ANO5: variants seen among roughly 807,000 people sequenced by gnomAD.
ANO5 encodes the protein anoctamin 5.
Under a neutral mutation model 121.0 loss-of-function variants are expected in ANO5, and 109 were observed. The observed-to-expected ratio is 0.90, with a 90% CI of 0.77 to 1.06. The LOEUF (loss-of-function observed/expected upper bound fraction) is 1.06, where lower values mean the gene tolerates loss of function less well. Among genes scored for constraint, ANO5 ranks in the 50% least tolerant of loss-of-function variants. ANO5 has a pLI of 0.00. For synonymous variants in ANO5, 406 were observed against 359.9 expected (o/e 1.13, Z -1.45); for missense variants, 1,064 against 1,078.5 (o/e 0.99, Z 0.19).
chr11:22,266,026 G>A (rs1854350573), intron 17 of ANO5, among the ~76,000 whole-genome samples: 1 of 152,132 alleles, frequency 6.6e-6, no homozygotes, highest in Non-Finnish European at 1.5e-5. Context: ...TTTCGTAAAT[G>A]GTGTTGGAAA....
intron 17 of ANO5, among the ~76,000 whole-genome samples, chr11:22,268,110 C>T (rs1318995004): frequency 1.3e-5 from 2 of 152,106 alleles, no homozygotes; most frequent in South Asian, 2.1e-4. Context: ...TCTGGTGGGG[C>T]AACATTTATC....
In ANO5 at chr11:22,243,848, T is replaced by C. The variant is rs193114814; in HGVS notation, c.878+4164T>C. 1.4e-3 allele frequency among the ~76,000 whole-genome samples: 210 copies of C among 152,356 alleles called. 1 individual carries two copies. The highest frequency in any genetic ancestry group is 4.8e-3 in the African/African-American group (201 of 41,588). On this transcript the variant is annotated intron_variant, in intron 9 of 21. Coordinates refer to ENST00000324559, the MANE Select transcript of ANO5 (RefSeq NM_213599.3). ...TAGGGTGGTCTGTCTTATTTATTCT[T>C]TTGAAGAACCAATACTTGGTTTCAT...
chr11:22,233,843 A>C (rs1853123434), intron 7 of ANO5, among the ~76,000 whole-genome samples: 1 of 152,106 alleles, frequency 6.6e-6, no homozygotes. Flanking sequence ...GAATGTCAAC[A>C]AGCGAAATTC....
chr11:22,279,592 G>A lies in ANO5; in HGVS notation c.2569G>A (p.Val857Ile), dbSNP rs1346740717. The change falls in exon 22 of 22, where the codon GTT (valine) becomes ATT (isoleucine). Residue 857 changes from valine to isoleucine, a missense_variant. Physicochemically the swap from Val to Ile is conservative, Grantham distance 29. Coordinates refer to ENST00000324559, the MANE Select transcript of ANO5 (RefSeq NM_213599.3). ...KFLLAWMIPD[V>I]PKDVVERIKR... ...TTTGCTGGCCTGGATGATACCTGAT[G>A]TTCCAAAAGATGTTGTGGAGAGAAT... The A allele has an allele frequency of 1.3e-5, 21 of 1,612,768 alleles. No homozygotes were observed. In the Admixed American group the frequency reaches 2.7e-4, roughly 21 times the overall value.
Position 22,236,243 on chromosome 11 carries a change from T to C in ANO5, c.729T>C (p.Ser243=), listed in dbSNP as rs776237436. ...KRFGIERLLN[S]NTYSSAYPLH... ...TTGGGATTGAAAGACTGCTAAACTC[T>C]AACACTTACTCATCTGCCTATCCAC... The change falls in exon 8 of 22, where the codon TCT becomes TCC. Residue 243 remains serine, a synonymous_variant. Coordinates refer to ENST00000324559, the MANE Select transcript of ANO5 (RefSeq NM_213599.3). 4 of 1,613,134 alleles carry C rather than the reference T, an allele frequency of 2.5e-6. No homozygotes were observed. The highest frequency in any genetic ancestry group is 3.3e-5 in the Admixed American group (2 of 59,974).
chr11:22,274,707 C>T lies in ANO5; in HGVS notation c.2374C>T (p.His792Tyr), dbSNP rs1854766846. Reference sequence around the variant, plus strand: ...ATTCCTGATAGCTGATTTTCCAAACCACACTGCACCTTCGGAAAAACGAGA... The same window carrying T: ...ATTCCTGATAGCTGATTTTCCAAACTACACTGCACCTTCGGAAAAACGAGA... ...SVFLIADFPN[H>Y]TAPSEKRDFI... The change falls in exon 20 of 22, where the codon CAC becomes TAC. Residue 792 changes from histidine to tyrosine, a missense_variant. Transcript: ENST00000324559. 2 of 1,613,538 alleles carry T rather than the reference C, an allele frequency of 1.2e-6. No homozygotes were observed. The highest frequency in any genetic ancestry group is 1.7e-5 in the Admixed American group (1 of 59,992).
chr11:22,251,220 C>A (rs1444813017), intron 12 of ANO5, among the ~76,000 whole-genome samples: 2 of 152,194 alleles, frequency 1.3e-5, no homozygotes, highest in Non-Finnish European at 2.9e-5. Flanking sequence ...CAGCTCATTT[C>A]TCTAAGAGAC....
At chr11:22,208,689 A>T (rs560059456) in intron 2 of ANO5, among the ~76,000 whole-genome samples, 1 of 152,094 alleles carries the variant, frequency 6.6e-6, no homozygotes, top group African/African-American at 2.4e-5. Flanking sequence ...CTTCCTGATT[A>T]TGATATTTTA....
At chr11:22,266,689 T>A (rs1854378000) in intron 17 of ANO5, among the ~76,000 whole-genome samples, 1 of 152,210 alleles carries the variant, frequency 6.6e-6, no homozygotes, top group African/African-American at 2.4e-5. Flanking sequence ...TTTGGTTATA[T>A]ATGTTGAAAA....
At chr11:22,228,915 A>G (rs1166041738) in intron 7 of ANO5, among the ~76,000 whole-genome samples, 1 of 151,958 alleles carries the variant, frequency 6.6e-6, no homozygotes, top group Non-Finnish European at 1.5e-5. Context: ...CATCTTGGGT[A>G]TCGTGAATAG....
At position 22,257,737 on chromosome 11, in the gene ANO5, G is replaced by GA; in HGVS notation, c.1390_1391insA (p.Ala464AspfsTer30). On this transcript the variant is annotated frameshift_variant, in exon 14 of 22. Coordinates refer to ENST00000324559, the MANE Select transcript of ANO5 (RefSeq NM_213599.3). LOFTEE classifies it high-confidence loss of function. ...TATTCCATGGTACTTTCTTTCAGGA[G>GA]CCACAGTGACATTATGGGTGAGCAT... 1.2e-6 allele frequency: 2 copies of GA among 1,611,786 alleles called. No homozygotes were observed. The highest frequency in any genetic ancestry group is 1.7e-6 in the Non-Finnish European group (2 of 1,178,096).
At chr11:22,235,935 C>T (rs780165408) in intron 7 of ANO5, among the ~76,000 whole-genome samples, 57 of 152,088 alleles carry the variant, frequency 3.7e-4, no homozygotes, top group Admixed American at 1.3e-4. Flanking sequence ...ATGGTCTGTT[C>T]ACCCCTGCAC....
At chr11:22,226,492 T>C (rs1189168352) in intron 6 of ANO5, among the ~76,000 whole-genome samples, 1 of 152,096 alleles carries the variant, frequency 6.6e-6, no homozygotes, top group Non-Finnish European at 1.5e-5. Context: ...TTCAAAATTG[T>C]TTTTAAAGGC....
intron 1 of ANO5, among the ~76,000 whole-genome samples, chr11:22,196,836 T>G (rs1019320864): frequency 6.6e-6 from 1 of 152,096 alleles, no homozygotes; most frequent in Non-Finnish European, 1.5e-5. Context: ...GCCACTACAC[T>G]CTAGCCTGGT....
chr11:22,259,195 G>A (rs1354191633), intron 14 of ANO5, among the ~76,000 whole-genome samples: 2 of 151,390 alleles, frequency 1.3e-5, no homozygotes, highest in African/African-American at 2.4e-5. Flanking sequence ...GACCAGATAA[G>A]ATCAGGCAAG....
intron 3 of ANO5, among the ~76,000 whole-genome samples, chr11:22,216,797 C>T (rs1431927620): frequency 6.6e-6 from 1 of 151,630 alleles, no homozygotes; most frequent in Admixed American, 6.6e-5. Context: ...AGATTTTCTT[C>T]AGTTTTATAG....
intron 7 of ANO5, among the ~76,000 whole-genome samples, chr11:22,228,618 G>C (rs1852927536): frequency 6.6e-6 from 1 of 151,742 alleles, no homozygotes; most frequent in Non-Finnish European, 1.5e-5. Context: ...TGTACCCGTT[G>C]ACCAATCTCT....
intron 3 of ANO5, among the ~76,000 whole-genome samples, chr11:22,211,630 C>G (rs1852279599): frequency 1.3e-5 from 2 of 151,858 alleles, no homozygotes; most frequent in Non-Finnish European, 2.9e-5. Context: ...TGATGCTTGA[C>G]TACACTCAAG....
At position 22,227,296 on chromosome 11, in the gene ANO5, A is replaced by G; in HGVS notation, c.364-6A>G. 2 of 1,612,872 alleles carry G rather than the reference A, an allele frequency of 1.2e-6. No homozygotes were observed. The highest frequency in any genetic ancestry group is 1.7e-6 in the Non-Finnish European group (2 of 1,179,588). Reference sequence around the variant, plus strand: ...TTTCTGCTGTTTTGCCTTTTTTTTAATGCAGGACTCGGAAGATGGAAGAAC... The same window carrying G: ...TTTCTGCTGTTTTGCCTTTTTTTTAGTGCAGGACTCGGAAGATGGAAGAAC... On this transcript the variant is annotated splice_polypyrimidine_tract_variant and splice_region_variant and intron_variant, in intron 6 of 21. Coordinates refer to ENST00000324559, the MANE Select transcript of ANO5 (RefSeq NM_213599.3).
Sources: gnomAD v4.1 joint callset for allele counts (sites outside exome capture counted in the v4.1 genomes callset) on GRCh38, gnomAD v4.1.1 for gene constraint, MANE v1.5 for transcripts, NCBI Gene and HGNC (gene_info 2026-07-23, HGNC 2026-07-21) for gene names.